The following ADIPOR1 variants were observed in gnomAD, a reference collection of about 807,000 sequenced individuals.
The protein encoded by ADIPOR1 is adiponectin receptor 1.
In ADIPOR1, 15 loss-of-function variants were observed where a neutral mutation model predicts 37.5. That is an observed-to-expected ratio of 0.40 (90% CI 0.27 to 0.62). The LOEUF is 0.62. Ranked by LOEUF, ADIPOR1 falls within the 20% of genes least tolerant of loss-of-function variation. The probability of loss-of-function intolerance (pLI) is 0.42; values close to 1 mark genes in which losing one functional copy is unlikely to be tolerated. For missense variants in ADIPOR1, 286 were observed against 478.0 expected (o/e 0.60, Z 3.75); for synonymous variants, 173 against 173.2 (o/e 1.00, Z 0.01).
chr1:202,941,433 G>C lies in ADIPOR1; in HGVS notation c.*140C>G, dbSNP rs1006435393. ...TATTGCCCAGTGGGTGTGAAAGTGG[G>C]CTGAAGCTTGGTTGGTACTGAATTC... On this transcript the variant is annotated 3_prime_UTR_variant, in exon 8 of 8. Coordinates refer to ENST00000340990, the MANE Select transcript of ADIPOR1 (RefSeq NM_015999.6). The C allele has an allele frequency of 2.4e-5, 26 of 1,061,880 alleles. No individual in the cohort carries two copies. The highest frequency in any genetic ancestry group is 3.2e-5 in the African/African-American group (2 of 61,810). 65.8% of individuals were successfully genotyped at this position (1,061,880 alleles called of 1,614,324 possible). A position where few individuals can be genotyped will look rare whatever the true frequency, so the allele number is the denominator to read the frequency against.
rs116503733 is a variant in ADIPOR1, at chr1:202,952,883, T to C, written c.-94-1719A>G. Reference sequence around the variant, plus strand: ...CAATCCTCAAGCTTCTAAACAGTCATGAGTCATGCTATGCTCAACCCACAA... The same window carrying C: ...CAATCCTCAAGCTTCTAAACAGTCACGAGTCATGCTATGCTCAACCCACAA... On this transcript the variant is annotated intron_variant, in intron 1 of 7. Coordinates refer to ENST00000340990, the MANE Select transcript of ADIPOR1 (RefSeq NM_015999.6). Among the ~76,000 whole-genome samples the C allele has an allele frequency of 2.4e-3, 364 of 152,356 alleles. 1 individual carries two copies. The highest frequency in any genetic ancestry group is 8.4e-3 in the African/African-American group (350 of 41,590).
chr1:202,950,912 C>T lies in ADIPOR1; in HGVS notation c.141+18G>A. 6.2e-7 allele frequency: 1 copy of T among 1,614,080 alleles called. No individual in the cohort carries two copies. The highest frequency in any genetic ancestry group is 8.5e-7 in the Non-Finnish European group (1 of 1,179,992). ...AGAGAAACTGAACAAGGGGATGACT[C>T]CTGGGAAGATGACTTACTTTGGGTG... On this transcript the variant is annotated intron_variant, in intron 2 of 7. Coordinates refer to ENST00000340990, the MANE Select transcript of ADIPOR1 (RefSeq NM_015999.6).
intron 2 of ADIPOR1, among the ~76,000 whole-genome samples, chr1:202,949,601 A>C (rs1400897007): frequency 2.2e-5 from 3 of 135,706 alleles, no homozygotes; most frequent in Admixed American, 7.7e-5. Context: ...AAAAAAACAC[A>C]CCCAGGAGAG....
intron 1 of ADIPOR1, among the ~76,000 whole-genome samples, chr1:202,956,431 T>C (rs1465849401): frequency 6.6e-6 from 1 of 152,196 alleles, no homozygotes; most frequent in Non-Finnish European, 1.5e-5. Flanking sequence ...TACCGATTGA[T>C]TACTTACAAT....
In ADIPOR1 at chr1:202,945,141, G is replaced by A; in HGVS notation, c.459C>T (p.Ile153=). The change falls in exon 5 of 8, where the codon ATC becomes ATT. Residue 153 remains isoleucine, a synonymous_variant. Transcript: ENST00000340990. ...LGFVLFLFLG[I]LTMLRPNMYF... is the part of the protein sequence containing the mutation. ...ACATATTTGGTCTGAGCATGGTCAA[G>A]ATTCCCAAAAAGAGAAACAGCACGA... 1.9e-6 allele frequency: 3 copies of A among 1,610,396 alleles called. No homozygotes were observed. The highest frequency in any genetic ancestry group is 1.3e-5 in the African/African-American group (1 of 74,666).
At chr1:202,950,217 C>A (rs895740814) in intron 2 of ADIPOR1, among the ~76,000 whole-genome samples, 2 of 141,460 alleles carry the variant, frequency 1.4e-5, no homozygotes, top group African/African-American at 5.0e-5. Flanking sequence ...CCTGCCTCGG[C>A]CTCTCAAAGT....
chr1:202,956,562 G>A (rs1654791570), intron 1 of ADIPOR1, among the ~76,000 whole-genome samples: 1 of 152,174 alleles, frequency 6.6e-6, no homozygotes, highest in African/African-American at 2.4e-5. Context: ...GTGCCATTAT[G>A]TGCAGGAGGA....
intron 2 of ADIPOR1, among the ~76,000 whole-genome samples, chr1:202,949,596 A>AAC (rs1553243422): frequency 2.7e-5 from 4 of 150,712 alleles, no homozygotes; most frequent in Non-Finnish European, 5.9e-5. Context: ...AAAAAAAAAA[A>AAC]ACACACCCAG....
chr1:202,956,022 C>T (rs541981510), intron 1 of ADIPOR1, among the ~76,000 whole-genome samples: 18 of 152,114 alleles, frequency 1.2e-4, no homozygotes, highest in Non-Finnish European at 2.1e-4. Context: ...GTGATCCACT[C>T]GCCTCAGCCT....
At chr1:202,953,035 C>T (rs546391135) in intron 1 of ADIPOR1, among the ~76,000 whole-genome samples, 16 of 152,192 alleles carry the variant, frequency 1.1e-4, no homozygotes, top group Non-Finnish European at 1.8e-4. Flanking sequence ...AAGACTCTGA[C>T]GAGATGCCAG....
chr1:202,948,944 C>T (rs1426625829), intron 2 of ADIPOR1, among the ~76,000 whole-genome samples: 1 of 151,916 alleles, frequency 6.6e-6, no homozygotes, highest in East Asian at 2.0e-4. Context: ...GCGCCCACCA[C>T]CATGCCTGAC....
chr1:202,951,168 A>G lies in ADIPOR1; in HGVS notation c.-94-4T>C. ...GATCTCCCTCTGATGGTAGACACTA[A>G]AAGAAAATACAAACATGAAGGATTG... On this transcript the variant is annotated splice_region_variant and splice_polypyrimidine_tract_variant and intron_variant, in intron 1 of 7. Coordinates refer to ENST00000340990, the MANE Select transcript of ADIPOR1 (RefSeq NM_015999.6). 1 of 1,414,732 alleles carries G rather than the reference A, an allele frequency of 7.1e-7. No individual in the cohort carries two copies. The highest frequency in any genetic ancestry group is 9.8e-7 in the Non-Finnish European group (1 of 1,024,222). 87.6% of individuals were successfully genotyped at this position (1,414,732 alleles called of 1,614,324 possible).
intron 6 of ADIPOR1, 51 bp downstream of exon 6, chr1:202,943,707 C>G: frequency 6.4e-7 from 1 of 1,563,470 alleles, no homozygotes; most frequent in Middle Eastern, 2.4e-4. Context: ...TTGAGCCTAT[C>G]AGGCCTAAGG....
intron 3 of ADIPOR1, among the ~76,000 whole-genome samples, chr1:202,947,916 AG>A (rs1654399569): frequency 6.6e-6 from 1 of 152,230 alleles, no homozygotes; most frequent in South Asian, 2.1e-4. Flanking sequence ...TTAGTTCTGC[AG>A]GTATCTCAAA....
At chr1:202,943,560 T>C (rs1341012038) in intron 6 of ADIPOR1, among the ~76,000 whole-genome samples, 198 bp downstream of exon 6, 2 of 152,204 alleles carry the variant, frequency 1.3e-5, no homozygotes, top group African/African-American at 4.8e-5. Flanking sequence ...ATCTGTCCTA[T>C]TGGCATTCTA....
chr1:202,945,434 C>A (rs192525447), intron 4 of ADIPOR1, among the ~76,000 whole-genome samples: 43 of 152,308 alleles, frequency 2.8e-4, no homozygotes, highest in Admixed American at 2.6e-3. Flanking sequence ...ACTAGTATAA[C>A]CTCTATGGAA....
intron 3 of ADIPOR1, among the ~76,000 whole-genome samples, chr1:202,947,514 C>T (rs1475012175): frequency 2.8e-5 from 4 of 143,842 alleles, no homozygotes; most frequent in East Asian, 3.9e-4. Context: ...AAAACTCTGT[C>T]TCAAAAAAAT....
At chr1:202,944,933 A>G (rs1654245586) in intron 5 of ADIPOR1, 50 bp downstream of exon 5, 1 of 1,518,698 alleles carries the variant, frequency 6.6e-7, no homozygotes. Context: ...TGGGATCTCA[A>G]GATGTGACAA....
rs1446637980 is a variant in ADIPOR1, at chr1:202,941,452, T to C, written c.*121A>G. The C allele has an allele frequency of 9.2e-6, 12 of 1,309,400 alleles. No individual in the cohort carries two copies. In the Admixed American group the frequency reaches 3.1e-4, roughly 34 times the overall value. 81.1% of individuals were successfully genotyped at this position (1,309,400 alleles called of 1,614,324 possible). A position where few individuals can be genotyped will look rare whatever the true frequency, so the allele number is the denominator to read the frequency against. ...AAGTGGGCTGAAGCTTGGTTGGTACTGAATTCTCTAAGAGGTTTCTTCTAG... is the reference window on the plus strand; with the variant it reads ...AAGTGGGCTGAAGCTTGGTTGGTACCGAATTCTCTAAGAGGTTTCTTCTAG... On this transcript the variant is annotated 3_prime_UTR_variant, in exon 8 of 8. Coordinates refer to ENST00000340990, the MANE Select transcript of ADIPOR1 (RefSeq NM_015999.6).
Sources: allele counts gnomAD v4.1 joint callset (sites outside exome capture counted in the v4.1 genomes callset), GRCh38; gene constraint gnomAD v4.1.1; transcripts MANE v1.5; gene names NCBI Gene and HGNC (gene_info 2026-07-23, HGNC 2026-07-21).